ABTB3: variants seen among roughly 807,000 people sequenced by gnomAD.
ABTB3 encodes the protein ankyrin repeat and BTB domain containing 3, also known as ankyrin repeat- and BTB/POZ domain-containing protein 3.
the ABTB3 span, among the ~76,000 whole-genome samples, chr12:107,466,253 A>G: frequency 2.0e-5 from 3 of 151,712 alleles, no homozygotes; most frequent in African/African-American, 7.3e-5. Flanking sequence ...AGAAGACAGC[A>G]GTTGGTTTTA....
the ABTB3 span, among the ~76,000 whole-genome samples, chr12:107,447,143 T>A: frequency 1.5e-4 from 23 of 152,028 alleles, no homozygotes; most frequent in African/African-American, 5.1e-4. Context: ...GAGGTTGACT[T>A]TTTTTTTCTT....
At chr12:107,375,840 A>C in the ABTB3 span, among the ~76,000 whole-genome samples, 3 of 151,934 alleles carry the variant, frequency 2.0e-5, no homozygotes, top group African/African-American at 7.3e-5. Flanking sequence ...TGTGTCTCCT[A>C]TTCAAACCTG....
the ABTB3 span, among the ~76,000 whole-genome samples, chr12:107,347,426 ATCAGGAAC>A: frequency 6.6e-6 from 1 of 152,196 alleles, no homozygotes; most frequent in Non-Finnish European, 1.5e-5. Context: ...AATTGTGTGC[ATCAGGAAC>A]CCAGGAAGGG....
the ABTB3 span, among the ~76,000 whole-genome samples, chr12:107,367,224 G>C: frequency 1.3e-5 from 2 of 152,190 alleles, no homozygotes; most frequent in African/African-American, 2.4e-5. Flanking sequence ...TCATACCAAG[G>C]GGGTGGTAAC....
the ABTB3 span, chr12:107,520,348 T>C: frequency 6.8e-7 from 1 of 1,467,148 alleles, no homozygotes; most frequent in Non-Finnish European, 9.1e-7. Context: ...GTCCAGAGCG[T>C]TGGTTCCTAC....
the ABTB3 span, among the ~76,000 whole-genome samples, chr12:107,357,075 T>C: frequency 2.6e-5 from 4 of 152,230 alleles, no homozygotes; most frequent in African/African-American, 9.6e-5. Flanking sequence ...AATTACAGCT[T>C]TGGGAAGTTG....
the ABTB3 span, among the ~76,000 whole-genome samples, chr12:107,498,904 C>T: frequency 1.3e-5 from 2 of 152,184 alleles, no homozygotes; most frequent in South Asian, 4.1e-4. Flanking sequence ...GTACTATATT[C>T]TGATTCTTTC....
At chr12:107,436,793 A>G in the ABTB3 span, among the ~76,000 whole-genome samples, 1 of 152,100 alleles carries the variant, frequency 6.6e-6, no homozygotes, top group Non-Finnish European at 1.5e-5. Context: ...TGCTTTATAA[A>G]TCTTTGTGGA....
chr12:107,646,170 C>G, the ABTB3 span, among the ~76,000 whole-genome samples: 1 of 152,242 alleles, frequency 6.6e-6, no homozygotes, highest in African/African-American at 2.4e-5. Context: ...CTGCTTCATG[C>G]AGGTTGGCAG....
At chr12:107,447,393 C>T in the ABTB3 span, among the ~76,000 whole-genome samples, 252 of 152,274 alleles carry the variant, frequency 1.7e-3, no homozygotes, top group African/African-American at 5.8e-3. Context: ...CCACCCACCT[C>T]GGCCTCCCAA....
the ABTB3 span, among the ~76,000 whole-genome samples, chr12:107,350,541 G>A: frequency 1.8e-4 from 27 of 148,404 alleles, no homozygotes; most frequent in Non-Finnish European, 2.2e-4. Flanking sequence ...GCGAGAGTCC[G>A]TCTCAAAAAA....
chr12:107,553,128 C>G, the ABTB3 span, among the ~76,000 whole-genome samples: 1 of 152,172 alleles, frequency 6.6e-6, no homozygotes, highest in East Asian at 1.9e-4. Context: ...AATGAACTAA[C>G]TAACATAAGT....
chr12:107,556,209 C>T, the ABTB3 span, among the ~76,000 whole-genome samples: 4 of 152,074 alleles, frequency 2.6e-5, no homozygotes, highest in Admixed American at 2.6e-4. Flanking sequence ...ATTCTCCTAC[C>T]TCAGTCTCCC....
At chr12:107,519,948 A>G in the ABTB3 span, among the ~76,000 whole-genome samples, 4 of 152,354 alleles carry the variant, frequency 2.6e-5, no homozygotes, top group East Asian at 7.7e-4. Context: ...ACAAAAGCCC[A>G]TGGGGACTCT....
the ABTB3 span, among the ~76,000 whole-genome samples, chr12:107,468,756 T>C: frequency 2.0e-4 from 30 of 152,156 alleles, no homozygotes; most frequent in African/African-American, 5.8e-4. Flanking sequence ...AAGACATAAA[T>C]ACTATAACTT....
At chr12:107,552,015 G>T in the ABTB3 span, among the ~76,000 whole-genome samples, 34 of 152,292 alleles carry the variant, frequency 2.2e-4, no homozygotes, top group East Asian at 4.8e-3. Context: ...TTCTCCCAAA[G>T]TGCTGGGATT....
At chr12:107,343,832 C>A in the ABTB3 span, among the ~76,000 whole-genome samples, 3 of 152,120 alleles carry the variant, frequency 2.0e-5, no homozygotes, top group Non-Finnish European at 4.4e-5. Context: ...GGAAAAAGTG[C>A]CACTTTTAAA....
the ABTB3 span, among the ~76,000 whole-genome samples, chr12:107,538,077 C>G: frequency 6.6e-6 from 1 of 152,150 alleles, no homozygotes; most frequent in Non-Finnish European, 1.5e-5. Context: ...CTATGCCCAC[C>G]GAGAATGCCA....
the ABTB3 span, among the ~76,000 whole-genome samples, chr12:107,387,840 G>A: frequency 2.0e-5 from 3 of 152,098 alleles, no homozygotes; most frequent in Non-Finnish European, 4.4e-5. Flanking sequence ...TCCCATACAG[G>A]AGCTTTGTTG....
Sources: gnomAD v4.1 joint callset for allele counts (sites outside exome capture counted in the v4.1 genomes callset) on GRCh38, gnomAD v4.1.1 for gene constraint, MANE v1.5 for transcripts, NCBI Gene and HGNC (gene_info 2026-07-23, HGNC 2026-07-21) for gene names.